Variants in RIN2 observed in about 807,000 individuals in gnomAD.
RIN2 encodes Ras and Rab interactor 2.
RIN2 carries 36 observed loss-of-function variants against 78.0 expected under a neutral mutation model. The observed-to-expected ratio is 0.46, with a 90% confidence interval of 0.35 to 0.61. The LOEUF (loss-of-function observed/expected upper bound fraction) is 0.61, where lower values mean the gene tolerates loss of function less well. Among genes scored for constraint, RIN2 ranks in the 20% least tolerant of loss-of-function variants. RIN2 has a pLI of 0.00. For missense variants in RIN2, 1,087 were observed against 1,159.7 expected (o/e 0.94, Z 0.91); for synonymous variants, 466 against 466.8 (o/e 1.00, Z 0.02).
At chr20:19,914,863 A>G (rs886115636) in intron 3 of RIN2, among the ~76,000 whole-genome samples, 6 of 152,212 alleles carry the variant, frequency 3.9e-5, no homozygotes, top group Non-Finnish European at 8.8e-5. Context: ...AAATGATAAC[A>G]AAGGGTGTTT....
At chr20:19,997,733 T>A (rs1429990991) in intron 12 of RIN2, among the ~76,000 whole-genome samples, 1 of 152,000 alleles carries the variant, frequency 6.6e-6, no homozygotes. Flanking sequence ...CACTCCAGCC[T>A]GGACAACAGA....
intron 9 of RIN2, among the ~76,000 whole-genome samples, chr20:19,986,740 G>A (rs980379534): frequency 1.3e-5 from 2 of 152,210 alleles, no homozygotes; most frequent in African/African-American, 2.4e-5. Flanking sequence ...ACAGTTGCCC[G>A]TGGGGTTCAA....
At chr20:19,853,152 G>A (rs1316469243) in intron 2 of RIN2, among the ~76,000 whole-genome samples, 16 of 151,234 alleles carry the variant, frequency 1.1e-4, no homozygotes, top group South Asian at 4.2e-4. Context: ...TTGTCCTTGC[G>A]ATAGTTTGCT....
At chr20:19,992,058 C>A in intron 10 of RIN2, 110 bp from the exon 11 acceptor site, 2 of 1,281,456 alleles carry the variant, frequency 1.6e-6, no homozygotes, top group Non-Finnish European at 1.1e-6. Flanking sequence ...TTATAAATAG[C>A]ACAGTTCCCC....
At chr20:19,930,086 G>GGGGGCT (rs1380730731) in intron 3 of RIN2, among the ~76,000 whole-genome samples, 5 of 151,872 alleles carry the variant, frequency 3.3e-5, no homozygotes, top group African/African-American at 1.2e-4. Context: ...AAAAGTTGCT[G>GGGGGCT]GGGGCTGGGG....
chr20:19,892,288 C>T (rs139656445), intron 3 of RIN2, among the ~76,000 whole-genome samples: 3,843 of 152,252 alleles, frequency 0.025, 178 homozygotes, highest in African/African-American at 0.088. Flanking sequence ...GCGATCTCGG[C>T]TCACTGCAAC....
chr20:19,930,981 G>A (rs761556152), intron 3 of RIN2, among the ~76,000 whole-genome samples: 10 of 152,102 alleles, frequency 6.6e-5, no homozygotes, highest in Non-Finnish European at 1.5e-4. Context: ...AGGCACGGTG[G>A]TGCCTATCTG....
intron 1 of RIN2, 43 bp downstream of exon 1, chr20:19,758,370 A>G (rs1203835011): frequency 1.3e-5 from 2 of 152,094 alleles, no homozygotes; most frequent in Non-Finnish European, 1.5e-5. Flanking sequence ...CTGTGCCCGC[A>G]CCTAGAGAGC....
chr20:19,808,755 C>T (rs189014004), intron 2 of RIN2, among the ~76,000 whole-genome samples: 1 of 152,218 alleles, frequency 6.6e-6, no homozygotes, highest in Non-Finnish European at 1.5e-5. Context: ...TACTCAGCTG[C>T]TGCTGGCCCC....
At chr20:19,947,685 C>T (rs995489599) in intron 4 of RIN2, among the ~76,000 whole-genome samples, 1 of 152,206 alleles carries the variant, frequency 6.6e-6, no homozygotes, top group African/African-American at 2.4e-5. Flanking sequence ...TCCCGGAAAC[C>T]TTCAGGGAAC....
At chr20:19,797,294 T>C (rs1330397423) in intron 1 of RIN2, among the ~76,000 whole-genome samples, 1 of 152,214 alleles carries the variant, frequency 6.6e-6, no homozygotes, top group Non-Finnish European at 1.5e-5. Flanking sequence ...CCCACCGTAT[T>C]TATGATGCAA....
At chr20:19,797,798 T>C (rs1329698569) in intron 1 of RIN2, among the ~76,000 whole-genome samples, 2 of 152,154 alleles carry the variant, frequency 1.3e-5, no homozygotes, top group Non-Finnish European at 2.9e-5. Context: ...TTCACATTGT[T>C]TGAGCATTTA....
At chr20:19,910,515 T>A (rs1018322703) in intron 3 of RIN2, among the ~76,000 whole-genome samples, 6 of 151,646 alleles carry the variant, frequency 4.0e-5, no homozygotes, top group African/African-American at 1.2e-4. Flanking sequence ...TTCTTTTTTT[T>A]AATCATTCTT....
intron 2 of RIN2, chr20:19,823,741 T>C: frequency 6.3e-7 from 1 of 1,590,292 alleles, no homozygotes; most frequent in Admixed American, 1.7e-5. Context: ...AATCTGGGCC[T>C]GTCTGTTCTG....
At chr20:19,911,634 T>C (rs553431661) in intron 3 of RIN2, among the ~76,000 whole-genome samples, 1 of 152,374 alleles carries the variant, frequency 6.6e-6, no homozygotes, top group Admixed American at 6.5e-5. Flanking sequence ...TTCATTGCTC[T>C]GGTCATGTCC....
intron 9 of RIN2, among the ~76,000 whole-genome samples, chr20:19,978,804 T>A (rs536320315): frequency 1.3e-5 from 2 of 152,296 alleles, no homozygotes; most frequent in South Asian, 4.2e-4. Flanking sequence ...TCACCTACTC[T>A]CACCCTTCCA....
chr20:19,934,095 C>T (rs2040539638), intron 3 of RIN2, among the ~76,000 whole-genome samples: 1 of 152,170 alleles, frequency 6.6e-6, no homozygotes. Context: ...CAGGCAAGAG[C>T]CGCTATGCCT....
chr20:19,950,532 TA>T (rs773445372), intron 4 of RIN2, among the ~76,000 whole-genome samples: 8 of 152,224 alleles, frequency 5.3e-5, no homozygotes, highest in Admixed American at 1.3e-4. Context: ...TTTATCTCCC[TA>T]TTTTTTTTCT....
intron 2 of RIN2, among the ~76,000 whole-genome samples, chr20:19,816,039 C>A (rs756091308): frequency 2.0e-5 from 3 of 152,238 alleles, no homozygotes; most frequent in Non-Finnish European, 4.4e-5. Flanking sequence ...TTGATCACAG[C>A]CCCTTGCCAG....
Sources: gnomAD v4.1 joint callset for allele counts (sites outside exome capture counted in the v4.1 genomes callset) on GRCh38, gnomAD v4.1.1 for gene constraint, MANE v1.5 for transcripts, NCBI Gene and HGNC (gene_info 2026-07-23, HGNC 2026-07-21) for gene names.